The following HIVEP2 variants were observed in gnomAD, a reference collection of about 807,000 sequenced individuals.
The protein encoded by HIVEP2 is transcription factor HIVEP2.
In HIVEP2, 14 loss-of-function variants were observed where a neutral mutation model predicts 180.7. The observed-to-expected ratio is 0.08, with a 90% CI of 0.05 to 0.12. The LOEUF is 0.12. Among genes scored for constraint, HIVEP2 ranks in the 10% least tolerant of loss-of-function variants. The pLI is 1.00. For missense variants in HIVEP2, 2,579 were observed against 3,008.5 expected (o/e 0.86, Z 3.34); for synonymous variants, 1,184 against 1,136.4 (o/e 1.04, Z -0.84).
intron 2 of HIVEP2, among the ~76,000 whole-genome samples, chr6:142,802,347 T>C (rs190046549): frequency 3.9e-5 from 6 of 152,234 alleles, no homozygotes; most frequent in Admixed American, 3.9e-4. Context: ...ACATGGCTCA[T>C]CTCTCTGTAG....
intron 2 of HIVEP2, among the ~76,000 whole-genome samples, chr6:142,811,160 G>C (rs1384547143): frequency 6.6e-6 from 1 of 151,774 alleles, no homozygotes; most frequent in Non-Finnish European, 1.5e-5. Flanking sequence ...CCTAGAAAAT[G>C]TCTGTTTTCA....
chr6:142,896,709 C>T (rs1429320467), intron 1 of HIVEP2, among the ~76,000 whole-genome samples: 1 of 152,108 alleles, frequency 6.6e-6, no homozygotes, highest in African/African-American at 2.4e-5. Flanking sequence ...CAGTTTCTAC[C>T]CATAAACTTA....
Position 142,753,153 on chromosome 6 carries a change from G to C in HIVEP2, c.7295C>G (p.Thr2432Arg). The C allele has an allele frequency of 6.2e-7, 1 of 1,613,124 alleles. No individual in the cohort carries two copies. The highest frequency in any genetic ancestry group is 8.5e-7 in the Non-Finnish European group (1 of 1,179,044). Residue 2432 changes from threonine to arginine, a missense_variant, in exon 10 of 10, where the codon ACA (threonine) becomes AGA (arginine). By Grantham distance (71) the Thr-to-Arg change is moderately conservative. Transcript: ENST00000367603. ...FHSSKELSSS[T>R]EESKDPSSEK... is the part of the protein sequence containing the mutation. ...TGATGAAGGATCTTTGCTTTCCTCTGTGCTTGAAGATAATTCCTTGCTGCT... is the reference window on the plus strand; with the variant it reads ...TGATGAAGGATCTTTGCTTTCCTCTCTGCTTGAAGATAATTCCTTGCTGCT...
At chr6:142,918,215 A>C (rs1047489871) in intron 1 of HIVEP2, among the ~76,000 whole-genome samples, 2 of 151,004 alleles carry the variant, frequency 1.3e-5, no homozygotes, top group East Asian at 3.9e-4. Context: ...ATTTACTTTT[A>C]TTTATTTATC....
intron 2 of HIVEP2, among the ~76,000 whole-genome samples, chr6:142,821,889 AC>A (rs1439812550): frequency 2.0e-5 from 3 of 152,176 alleles, no homozygotes; most frequent in Non-Finnish European, 4.4e-5. Flanking sequence ...GCTGGAGATG[AC>A]CACACCTCAC....
chr6:142,787,085 C>A (rs1022078446), intron 2 of HIVEP2, among the ~76,000 whole-genome samples: 3 of 151,802 alleles, frequency 2.0e-5, no homozygotes, highest in African/African-American at 7.3e-5. Flanking sequence ...CAAAGCAAGA[C>A]CCTATCTCTA....
rs190670243 is a variant in HIVEP2, at chr6:142,845,867, C to T, written c.-640-8820G>A. 2.0e-5 allele frequency among the ~76,000 whole-genome samples: 3 copies of T among 152,366 alleles called. No homozygotes were observed. The East Asian group carries it at 5.8e-4, about 29-fold the overall frequency. ...CCGGACAACAAGCTGGGTGCAAACT[C>T]GTCTTCCGCAGACACCAAAAGAGAG... On this transcript the variant is annotated intron_variant, in intron 1 of 9. Transcript: ENST00000367603.
In HIVEP2 at chr6:142,753,035, A is replaced by G. The variant is rs1418799277; in HGVS notation, c.*72T>C. 5 of 880,808 alleles carry G rather than the reference A, an allele frequency of 5.7e-6. No individual in the cohort carries two copies. In the African/African-American group the frequency reaches 6.6e-5, roughly 12 times the overall value. The allele number at this position is 880,808 out of a possible 1,614,324, so 54.6% of individuals were successfully genotyped here. On this transcript the variant is annotated 3_prime_UTR_variant, in exon 10 of 10. Transcript: ENST00000367603. Reference sequence around the variant, plus strand: ...GGACAGGCATGCTATAAACTGGATTACCTCCATTTCTAGAAAAACAAAAAC... The same window carrying G: ...GGACAGGCATGCTATAAACTGGATTGCCTCCATTTCTAGAAAAACAAAAAC...
chr6:142,870,421 C>T (rs1190960316), intron 1 of HIVEP2, among the ~76,000 whole-genome samples: 7 of 152,166 alleles, frequency 4.6e-5, no homozygotes, highest in Non-Finnish European at 7.4e-5. Context: ...CCCCATAAAG[C>T]GCATGAATTT....
At chr6:142,931,207 A>T (rs1582974745) in intron 1 of HIVEP2, among the ~76,000 whole-genome samples, 1 of 152,010 alleles carries the variant, frequency 6.6e-6, no homozygotes, top group South Asian at 2.1e-4. Flanking sequence ...TCAAGTAGGA[A>T]TTTTTTTAAT....
rs775876692 is a variant in HIVEP2 at position 142,770,847 on chromosome 6, G to A, written c.3892C>T (p.Pro1298Ser). ...LHPKNLLPKF[P>S]SDQSSKSTET... ...GTTGACTTACTGCTCTGGTCTGATG[G>A]AAACTTTGGAAGAAGGTTCTTTGGG... Residue 1298 changes from proline (P) to serine (S), a missense_variant, in exon 5 of 10, where the codon CCA becomes TCA. By Grantham distance (74) the Pro-to-Ser change is moderately conservative. This residue lies in a region of HIVEP2 where 523 missense variants were observed against 577.0 expected (regional missense o/e 0.91). Coordinates refer to ENST00000367603, the MANE Select transcript of HIVEP2 (RefSeq NM_006734.4). This position sits in a 1 kb window ranked among gnomAD's most constrained non-coding sequence, Gnocchi z 4.7. The A allele has an allele frequency of 1.2e-6, 2 of 1,614,212 alleles. No individual in the cohort carries two copies. The highest frequency in any genetic ancestry group is 1.7e-6 in the Non-Finnish European group (2 of 1,180,038).
At chr6:142,923,308 G>A (rs1047021085) in intron 1 of HIVEP2, among the ~76,000 whole-genome samples, 1 of 151,308 alleles carries the variant, frequency 6.6e-6, no homozygotes, top group Middle Eastern at 3.2e-3. Flanking sequence ...TCCAGCCTGG[G>A]CAACAGAGCA....
chr6:142,924,830 TC>T (rs1777767634), intron 1 of HIVEP2, among the ~76,000 whole-genome samples: 1 of 152,226 alleles, frequency 6.6e-6, no homozygotes, highest in Admixed American at 6.5e-5. Flanking sequence ...TATGTTAATC[TC>T]CTGGTGATTA....
rs750881980 is a variant in HIVEP2, at chr6:142,774,439, G to T, written c.300C>A (p.Phe100Leu). ...SPYSCQHSLS[F>L]PQHSLPQGVM... Reference sequence around the variant, plus strand: ...CCCCCTGTGGCAATGAGTGCTGAGGGAAAGAGAGTGAGTGTTGGCATGAGT... The same window carrying T: ...CCCCCTGTGGCAATGAGTGCTGAGGTAAAGAGAGTGAGTGTTGGCATGAGT... The change falls in exon 5 of 10, where the codon TTC (phenylalanine) becomes TTA (leucine). Residue 100 changes from phenylalanine to leucine, a missense_variant. Transcript: ENST00000367603. This position sits in a 1 kb window ranked among gnomAD's most constrained non-coding sequence, Gnocchi z 5.1. The T allele has an allele frequency of 2.5e-6, 4 of 1,614,190 alleles. No individual in the cohort carries two copies. The highest frequency in any genetic ancestry group is 3.4e-6 in the Non-Finnish European group (4 of 1,180,044).
intron 2 of HIVEP2, among the ~76,000 whole-genome samples, chr6:142,789,672 C>T (rs1344923646): frequency 6.6e-6 from 1 of 152,138 alleles, no homozygotes; most frequent in Non-Finnish European, 1.5e-5. Flanking sequence ...TTTAAACTGT[C>T]AAGTCAATTA....
chr6:142,760,673 AC>A lies in HIVEP2; in HGVS notation c.5621-7del. On this transcript the variant is annotated splice_region_variant and splice_polypyrimidine_tract_variant and intron_variant, in intron 8 of 9. Coordinates refer to ENST00000367603, the MANE Select transcript of HIVEP2 (RefSeq NM_006734.4). The stretch of plus-strand genomic sequence containing the variant: ...GTGCAAATCTTCCAAATTTTCTGAA[AC>A]AATTAAACAAAGATAATGGAGATCA... 6.3e-7 allele frequency: 1 copy of A among 1,578,130 alleles called. No homozygotes were observed.
chr6:142,821,840 G>A (rs1777047640), intron 2 of HIVEP2, among the ~76,000 whole-genome samples: 2 of 152,192 alleles, frequency 1.3e-5, no homozygotes, highest in Non-Finnish European at 1.5e-5. Context: ...TCACAGGACA[G>A]CATGCCTTGT....
intron 1 of HIVEP2, among the ~76,000 whole-genome samples, chr6:142,877,261 A>G (rs1397746872): frequency 1.3e-5 from 2 of 152,190 alleles, no homozygotes; most frequent in Non-Finnish European, 2.9e-5. Context: ...GTACACATAT[A>G]TCTAGTTAGT....
At chr6:142,827,611 T>C (rs1774947309) in intron 2 of HIVEP2, among the ~76,000 whole-genome samples, 1 of 152,212 alleles carries the variant, frequency 6.6e-6, no homozygotes, top group Admixed American at 6.5e-5. Context: ...GCCCGAGGAC[T>C]TCCCTGACCC....
Sources: gnomAD v4.1 joint callset for allele counts (sites outside exome capture counted in the v4.1 genomes callset) on GRCh38, gnomAD v4.1.1 for gene constraint, gnomAD v4.1.1 regional missense constraint, Gnocchi (gnomAD v3.1) non-coding constraint, MANE v1.5 for transcripts, NCBI Gene and HGNC (gene_info 2026-07-23, HGNC 2026-07-21) for gene names.